LRP2: variants seen among roughly 807,000 people sequenced by gnomAD.
LRP2 encodes the protein LDL receptor related protein 2, also known as low-density lipoprotein receptor-related protein 2.
LRP2 carries 172 observed loss-of-function variants against 531.0 expected under a neutral mutation model. The ratio of observed to expected loss-of-function variants is 0.32; its 90% CI spans 0.29 to 0.37. The LOEUF is 0.37. Ranked by LOEUF, LRP2 falls within the 10% of genes least tolerant of loss-of-function variation. LRP2 has a pLI of 1.00. For missense variants in LRP2, 5,167 were observed against 5,868.3 expected (o/e 0.88, Z 3.90); for synonymous variants, 1,992 against 2,027.6 (o/e 0.98, Z 0.47).
intron 1 of LRP2, among the ~76,000 whole-genome samples, chr2:169,360,128 CA>C (rs67818940): frequency 0.1 from 10,681 of 104,974 alleles, 609 homozygotes; most frequent in East Asian, 0.29. Flanking sequence ...CTGTCTCTCT[CA>C]AAAAAAAAAA....
chr2:169,156,153 G>A (rs1211850720), intron 65 of LRP2, 121 bp downstream of exon 65: 15 of 1,393,710 alleles, frequency 1.1e-5, no homozygotes, highest in Admixed American at 9.4e-5. Flanking sequence ...CAGCTGGCGA[G>A]TTTAAAAAAA....
chr2:169,294,125 C>G, intron 6 of LRP2, 23 bp downstream of exon 6: 1 of 1,509,984 alleles, frequency 6.6e-7, no homozygotes, highest in Non-Finnish European at 9.2e-7. Flanking sequence ...ACAACATGAC[C>G]CAGCATAAAG....
chr2:169,190,280 C>T (rs567729342), intron 48 of LRP2, among the ~76,000 whole-genome samples: 98 of 152,350 alleles, frequency 6.4e-4, no homozygotes, highest in Admixed American at 2.3e-3. Flanking sequence ...ACTGCAGCTT[C>T]ACTACAAAAG....
At chr2:169,278,077 C>A in intron 12 of LRP2, 126 bp from the exon 13 acceptor site, 2 of 748,054 alleles carry the variant, frequency 2.7e-6, no homozygotes, top group Non-Finnish European at 4.5e-6. Context: ...CAGTATAAAA[C>A]AACAGGGAAA....
At chr2:169,173,019 C>G in intron 57 of LRP2, 77 bp downstream of exon 57, 1 of 1,551,746 alleles carries the variant, frequency 6.4e-7, no homozygotes, top group Non-Finnish European at 8.9e-7. Context: ...AATACACTCT[C>G]ATCTCTCATC....
intron 4 of LRP2, among the ~76,000 whole-genome samples, chr2:169,305,778 G>A (rs1228045604): frequency 6.6e-6 from 1 of 152,142 alleles, no homozygotes; most frequent in African/African-American, 2.4e-5. Context: ...TACTACAGTG[G>A]TCCCCTAAGA....
At chr2:169,276,186 T>C (rs1173556629) in intron 13 of LRP2, among the ~76,000 whole-genome samples, 1 of 152,080 alleles carries the variant, frequency 6.6e-6, no homozygotes, top group Non-Finnish European at 1.5e-5. Context: ...TATAATGACA[T>C]GGTACATTAA....
At chr2:169,169,604 A>G in intron 60 of LRP2, 98 bp downstream of exon 60, 1 of 882,402 alleles carries the variant, frequency 1.1e-6, no homozygotes. Flanking sequence ...GACAATACTT[A>G]TGGCCTTTTA....
chr2:169,327,745 G>A (rs531816719), intron 1 of LRP2, among the ~76,000 whole-genome samples: 40 of 124,694 alleles, frequency 3.2e-4, no homozygotes, highest in Admixed American at 3.7e-4. Context: ...CGCCCCGTCC[G>A]GGAGGGAGGT....
chr2:169,176,428 C>A lies in LRP2; in HGVS notation c.10554G>T (p.Leu3518=). 1.2e-6 allele frequency: 2 copies of A among 1,614,146 alleles called. No homozygotes were observed. Among genetic ancestry groups the A allele is most frequent in the South Asian group, 1.1e-5 (1 of 91,078 alleles). ...CMPMCSSTQF[L]CANNEKCIPI... ...AGCCTTACTTTTCATTGTTAGCGCACAGGAACTGGGTGCTGGAGCACATGG... is the reference window on the plus strand; with the variant it reads ...AGCCTTACTTTTCATTGTTAGCGCAAAGGAACTGGGTGCTGGAGCACATGG... Residue 3518 remains leucine (L), a synonymous_variant, in exon 54 of 79, where the codon CTG becomes CTT. Transcript: ENST00000649046.
At position 169,207,123 on chromosome 2, in the gene LRP2, G is replaced by C. The variant is rs771826165; in HGVS notation, c.6597C>G (p.Pro2199=). ...CAGCCCAGAAGAGGTATCTGTTCTT[G>C]GGATCTACAACAATATGCCTAGGCA... The part of the protein sequence containing the change: ...VDMPRHIVVD[P]KNRYLFWADY... Residue 2199 remains proline, a synonymous_variant, in exon 39 of 79, where the codon CCC becomes CCG. Transcript: ENST00000649046. The C allele has an allele frequency of 6.2e-7, 1 of 1,612,212 alleles. No individual in the cohort carries two copies. Among genetic ancestry groups the C allele is most frequent in the South Asian group, 1.1e-5 (1 of 90,798 alleles).
intron 1 of LRP2, among the ~76,000 whole-genome samples, chr2:169,343,026 C>A (rs546228253): frequency 1.3e-5 from 2 of 152,138 alleles, no homozygotes; most frequent in Non-Finnish European, 2.9e-5. Flanking sequence ...TGTAGTCTTC[C>A]CTGGGCAAAT....
At chr2:169,228,768 C>A (rs1408766738) in intron 31 of LRP2, among the ~76,000 whole-genome samples, 1 of 152,106 alleles carries the variant, frequency 6.6e-6, no homozygotes, top group Non-Finnish European at 1.5e-5. Context: ...TGCAATGCTG[C>A]GCTGGCTGAA....
intron 6 of LRP2, 144 bp downstream of exon 6, chr2:169,294,004 A>C: frequency 1.4e-6 from 1 of 717,132 alleles, no homozygotes; most frequent in Non-Finnish European, 2.6e-6. Context: ...TGACCGTCTG[A>C]TTCCATCTGC....
chr2:169,266,297 G>A (rs1487079621), intron 16 of LRP2, among the ~76,000 whole-genome samples: 3 of 151,836 alleles, frequency 2.0e-5, no homozygotes, highest in Non-Finnish European at 4.4e-5. Flanking sequence ...TATAAACAAA[G>A]CATTTAGAAA....
chr2:169,309,627 C>A (rs1479305326), intron 3 of LRP2, among the ~76,000 whole-genome samples: 2 of 152,114 alleles, frequency 1.3e-5, no homozygotes, highest in African/African-American at 2.4e-5. Flanking sequence ...GTTACTGTAG[C>A]CTTGTAGTAT....
chr2:169,298,495 T>C (rs995012465), intron 4 of LRP2, among the ~76,000 whole-genome samples: 1 of 151,882 alleles, frequency 6.6e-6, no homozygotes, highest in Admixed American at 6.6e-5. Context: ...CTACCACTTA[T>C]AGGCTGCAGA....
At chr2:169,191,480 C>G (rs186781010) in intron 48 of LRP2, among the ~76,000 whole-genome samples, 2 of 152,150 alleles carry the variant, frequency 1.3e-5, no homozygotes, top group Admixed American at 1.3e-4. Context: ...TTCACAGGCC[C>G]TAGGCATTTT....
intron 35 of LRP2, 34 bp downstream of exon 35, chr2:169,216,219 C>G: frequency 6.2e-7 from 1 of 1,609,258 alleles, no homozygotes; most frequent in South Asian, 1.1e-5. Context: ...ACCAGCTCAG[C>G]ATAAAGACCA....
Sources: allele counts gnomAD v4.1 joint callset (sites outside exome capture counted in the v4.1 genomes callset), GRCh38; gene constraint gnomAD v4.1.1; transcripts MANE v1.5; gene names NCBI Gene and HGNC (gene_info 2026-07-23, HGNC 2026-07-21).